Variants in GXYLT1 observed in about 807,000 individuals in gnomAD.
GXYLT1 encodes the protein glycosyltransferase 8 domain containing 3.
GXYLT1 carries 29 observed loss-of-function variants against 54.0 expected under a neutral mutation model. That is an observed-to-expected ratio of 0.54 (90% CI 0.40 to 0.73). GXYLT1 has a LOEUF of 0.73. Among genes scored for constraint, GXYLT1 ranks in the 30% least tolerant of loss-of-function variants. The pLI, the probability that GXYLT1 is intolerant of heterozygous loss-of-function variation, is 0.00. For missense variants in GXYLT1, 490 were observed against 553.4 expected, an observed-to-expected ratio of 0.89 and a Z score of 1.15; for synonymous variants, 176 against 204.1, an observed-to-expected ratio of 0.86 and a Z score of 1.17.
At chr12:42,109,522 T>C (rs746313867) in intron 4 of GXYLT1, 44 bp downstream of exon 4, 2 of 1,301,496 alleles carry the variant, frequency 1.5e-6, no homozygotes, top group Non-Finnish European at 2.0e-6. Context: ...AGGTTCAAAT[T>C]TAAAAAAAAA....
At chr12:42,100,688 T>A (rs2065384696) in intron 5 of GXYLT1, among the ~76,000 whole-genome samples, 4 of 151,984 alleles carry the variant, frequency 2.6e-5, no homozygotes, top group Non-Finnish European at 5.9e-5. Context: ...CTAAAACAAG[T>A]TTTACTTAAG....
intron 2 of GXYLT1, among the ~76,000 whole-genome samples, chr12:42,120,131 T>G (rs958284666): frequency 6.6e-6 from 1 of 152,096 alleles, no homozygotes; most frequent in Non-Finnish European, 1.5e-5. Context: ...AAAACATTGT[T>G]ATTAAAAAAA....
chr12:42,141,265 AC>A (rs2065651066), intron 1 of GXYLT1, among the ~76,000 whole-genome samples: 1 of 151,902 alleles, frequency 6.6e-6, no homozygotes. Context: ...GAACAGAAAA[AC>A]CCCATGAACA....
At position 42,144,839 on chromosome 12, in the gene GXYLT1, A is replaced by G. The variant is rs975223740; in HGVS notation, c.-193T>C. 2 of 359,478 alleles carry G rather than the reference A, an allele frequency of 5.6e-6. No homozygotes were observed. Among genetic ancestry groups the G allele is most frequent in the Non-Finnish European group, 9.9e-6 (2 of 201,620 alleles). 22.3% of individuals were successfully genotyped at this position (359,478 alleles called of 1,614,324 possible). A position where few individuals can be genotyped will look rare whatever the true frequency, so the allele number is the denominator to read the frequency against. ...GAGCGCAGTCGCGGCTCCGGAGCCGAAGGACTACCCGCCCGGAAGCCTGGA... is the reference window on the plus strand; with the variant it reads ...GAGCGCAGTCGCGGCTCCGGAGCCGGAGGACTACCCGCCCGGAAGCCTGGA... On this transcript the variant is annotated 5_prime_UTR_variant, in exon 1 of 8. Coordinates refer to ENST00000398675, the MANE Select transcript of GXYLT1 (RefSeq NM_173601.2).
At chr12:42,101,068 G>A (rs1409151436) in intron 5 of GXYLT1, among the ~76,000 whole-genome samples, 1 of 151,860 alleles carries the variant, frequency 6.6e-6, no homozygotes, top group Non-Finnish European at 1.5e-5. Context: ...AAAGAAAAAA[G>A]TCCCATTAGA....
At chr12:42,114,713 T>G (rs1414309147) in intron 3 of GXYLT1, among the ~76,000 whole-genome samples, 2 of 152,212 alleles carry the variant, frequency 1.3e-5, no homozygotes, top group Non-Finnish European at 2.9e-5. Flanking sequence ...AAAGAGGAGC[T>G]GGTACCATTC....
rs962548642 is a variant in GXYLT1, at chr12:42,144,467, G to C, written c.180C>G (p.Ala60=). 9.2e-7 allele frequency: 1 copy of C among 1,088,152 alleles called. No homozygotes were observed. The highest frequency in any genetic ancestry group is 1.1e-6 in the Non-Finnish European group (1 of 902,240). 67.4% of individuals were successfully genotyped at this position (1,088,152 alleles called of 1,614,324 possible). The part of the protein sequence containing the change: ...AGGGRGAVRG[A]GVAGPAAHPG... ...GATGCGCTGCGGGGCCCGCGACGCC[G>C]GCGCCTCTCACGGCGCCGCGTCCGC... Residue 60 remains alanine (A), a synonymous_variant, in exon 1 of 8, where the codon GCC becomes GCG. Transcript: ENST00000398675.
intron 1 of GXYLT1, among the ~76,000 whole-genome samples, chr12:42,140,127 G>C (rs2136923021): frequency 7.5e-6 from 1 of 133,576 alleles, no homozygotes; most frequent in Middle Eastern, 4.5e-3. Context: ...CTTGCAGTGA[G>C]CTGAGATCGC....
At chr12:42,132,299 T>C (rs1416480274) in intron 1 of GXYLT1, among the ~76,000 whole-genome samples, 1 of 152,204 alleles carries the variant, frequency 6.6e-6, no homozygotes, top group African/African-American at 2.4e-5. Context: ...AAATCAGACC[T>C]GAATGAGAAA....
chr12:42,098,813 T>A (rs112360323), intron 5 of GXYLT1, among the ~76,000 whole-genome samples: 2 of 141,662 alleles, frequency 1.4e-5, no homozygotes, highest in African/African-American at 5.0e-5. Context: ...TATACATGTA[T>A]ATATCCTGCC....
rs5000237 is a variant in GXYLT1, at chr12:42,136,797, C to A, written c.222-6946G>T. Among the ~76,000 whole-genome samples the A allele has an allele frequency of 7.4e-3, 383 of 51,890 alleles. 2 individuals are homozygous for A. Among genetic ancestry groups the A allele is most frequent in the African/African-American group, 0.018 (339 of 18,666 alleles). 34.0% of individuals were successfully genotyped at this position (51,890 alleles called of 152,430 possible). A position where few individuals can be genotyped will look rare whatever the true frequency, so the allele number is the denominator to read the frequency against. On this transcript the variant is annotated intron_variant, in intron 1 of 7. Coordinates refer to ENST00000398675, the MANE Select transcript of GXYLT1 (RefSeq NM_173601.2). ...ATACATACATACATACAAACAAACACACACACACACAAGTCGCCCAGGCTG... is the reference window on the plus strand; with the variant it reads ...ATACATACATACATACAAACAAACAAACACACACACAAGTCGCCCAGGCTG...
At chr12:42,124,779 A>G (rs985277587) in intron 2 of GXYLT1, among the ~76,000 whole-genome samples, 1 of 152,192 alleles carries the variant, frequency 6.6e-6, no homozygotes, top group African/African-American at 2.4e-5. Flanking sequence ...ACCTTATACA[A>G]TTTGTAGCCT....
chr12:42,100,353 C>T (rs2065382740), intron 5 of GXYLT1, among the ~76,000 whole-genome samples: 1 of 152,122 alleles, frequency 6.6e-6, no homozygotes, highest in African/African-American at 2.4e-5. Context: ...AGCAAGTTAA[C>T]AGTTTTATGT....
chr12:42,110,509 T>C (rs1473073943), intron 3 of GXYLT1, among the ~76,000 whole-genome samples: 1 of 152,254 alleles, frequency 6.6e-6, no homozygotes, highest in African/African-American at 2.4e-5. Context: ...GGAATGCCTT[T>C]ACTTCCAACA....
chr12:42,122,309 G>A (rs1340451555), intron 2 of GXYLT1, among the ~76,000 whole-genome samples: 1 of 152,192 alleles, frequency 6.6e-6, no homozygotes, highest in Admixed American at 6.6e-5. Flanking sequence ...GTGAACCCTG[G>A]CCGGGCACGG....
chr12:42,123,414 T>TA (rs2065542842), intron 2 of GXYLT1, among the ~76,000 whole-genome samples: 1 of 152,114 alleles, frequency 6.6e-6, no homozygotes, highest in Non-Finnish European at 1.5e-5. Flanking sequence ...AATATCTAGG[T>TA]AAAAAATGTA....
intron 3 of GXYLT1, among the ~76,000 whole-genome samples, chr12:42,111,274 C>G (rs142696868): frequency 0.018 from 2,724 of 152,348 alleles, 36 homozygotes; most frequent in Non-Finnish European, 0.027. Context: ...GAGTGCCAGA[C>G]AGTAGGTGCA....
At chr12:42,125,020 G>A (rs575913019) in intron 2 of GXYLT1, among the ~76,000 whole-genome samples, 4 of 152,238 alleles carry the variant, frequency 2.6e-5, no homozygotes, top group African/African-American at 7.2e-5. Context: ...CAGAGTTAAC[G>A]GTCTAGAAGT....
intron 3 of GXYLT1, among the ~76,000 whole-genome samples, chr12:42,112,663 G>T (rs943899041): frequency 1.1e-4 from 16 of 152,198 alleles, no homozygotes; most frequent in African/African-American, 3.9e-4. Flanking sequence ...ATCTACGTCT[G>T]ATTGGTGTAC....
Sources: allele counts gnomAD v4.1 joint callset (sites outside exome capture counted in the v4.1 genomes callset), GRCh38; gene constraint gnomAD v4.1.1; transcripts MANE v1.5; gene names NCBI Gene and HGNC (gene_info 2026-07-23, HGNC 2026-07-21).